The following PRKN variants were observed in gnomAD, a reference collection of about 807,000 sequenced individuals.
PRKN encodes E3 ubiquitin-protein ligase parkin.
A neutral mutation model predicts 59.5 loss-of-function variants in PRKN; 56 were observed. That is an observed-to-expected ratio of 0.94 (90% CI 0.76 to 1.18). The LOEUF is 1.18. Among genes scored for constraint, PRKN ranks in the 50% most tolerant of loss-of-function variants. The probability of loss-of-function intolerance (pLI) is 0.00; values close to 1 mark genes in which losing one functional copy is unlikely to be tolerated. For missense variants in PRKN, 657 were observed against 596.4 expected, an observed-to-expected ratio of 1.10 and a Z score of -1.06; for synonymous variants, 250 against 222.1, an observed-to-expected ratio of 1.13 and a Z score of -1.12.
chr6:162,287,226 A>G (rs781093283), intron 2 of PRKN, among the ~76,000 whole-genome samples: 13 of 152,292 alleles, frequency 8.5e-5, no homozygotes, highest in Middle Eastern at 6.8e-3. Context: ...ACATATCACA[A>G]TTCTGATTTG....
intron 7 of PRKN, among the ~76,000 whole-genome samples, chr6:161,695,952 A>G (rs1349035657): frequency 7.2e-5 from 11 of 152,222 alleles, no homozygotes; most frequent in Non-Finnish European, 1.6e-4. Context: ...TGGCGGACAG[A>G]GGCTGAAGAA....
Position 161,593,371 on chromosome 6 carries a change from A to G in PRKN, c.872-23955T>C, listed in dbSNP as rs1781793518. ...CAGGGAAAGGTGCATAAACCTGCCC[A>G]GTGTCACAAAACTAATATATGGTGA... On this transcript the variant is annotated intron_variant, in intron 7 of 11. Coordinates refer to ENST00000366898, the MANE Select transcript of PRKN (RefSeq NM_004562.3). This position sits in a 1 kb window ranked among gnomAD's most constrained non-coding sequence, Gnocchi z 4.8. Among the ~76,000 whole-genome samples the G allele has an allele frequency of 6.6e-6, 1 of 152,168 alleles. No homozygotes were observed. The highest frequency in any genetic ancestry group is 2.4e-5 in the African/African-American group (1 of 41,440).
chr6:161,730,709 TGTGTTGCATTCTGAA>T (rs1471330694), intron 7 of PRKN, among the ~76,000 whole-genome samples: 2 of 152,212 alleles, frequency 1.3e-5, no homozygotes, highest in Non-Finnish European at 2.9e-5. Flanking sequence ...TTCTTTCTGG[TGTGTTGCATTCTGAA>T]GTGTTGCATT....
chr6:162,001,916 C>T (rs1782075363), intron 5 of PRKN, among the ~76,000 whole-genome samples: 1 of 141,294 alleles, frequency 7.1e-6, no homozygotes, highest in Admixed American at 7.3e-5. Flanking sequence ...TCTGCATCTA[C>T]TGATATGGTC....
chr6:161,565,375 A>G (rs1780602104), intron 8 of PRKN, among the ~76,000 whole-genome samples: 1 of 151,980 alleles, frequency 6.6e-6, no homozygotes, highest in Non-Finnish European at 1.5e-5. Context: ...CTCTCCTGAC[A>G]TGGTTTGGCT....
At chr6:162,263,348 G>A in intron 2 of PRKN, 1 of 180,226 alleles carries the variant, frequency 5.5e-6, no homozygotes, top group Non-Finnish European at 1.2e-5. Flanking sequence ...TCAATGAGAG[G>A]GCATTTCTTT....
At chr6:161,791,256 T>A (rs1790626390) in intron 6 of PRKN, among the ~76,000 whole-genome samples, 1 of 152,222 alleles carries the variant, frequency 6.6e-6, no homozygotes, top group Admixed American at 6.5e-5. Context: ...GACCCTTTGT[T>A]TGCAGAATAT....
At chr6:162,486,692 T>C (rs1378464876) in intron 1 of PRKN, among the ~76,000 whole-genome samples, 1 of 152,210 alleles carries the variant, frequency 6.6e-6, no homozygotes. Flanking sequence ...GGCTGCATAT[T>C]CAAAAGTTAT....
intron 10 of PRKN, among the ~76,000 whole-genome samples, chr6:161,364,426 C>T (rs1785108699): frequency 6.9e-6 from 1 of 143,956 alleles, no homozygotes; most frequent in Non-Finnish European, 1.5e-5. Flanking sequence ...CCACTACACT[C>T]CAGCCTGGGC....
intron 6 of PRKN, among the ~76,000 whole-genome samples, chr6:161,885,542 G>C (rs999224338): frequency 6.6e-6 from 1 of 151,936 alleles, no homozygotes; most frequent in Non-Finnish European, 1.5e-5. Context: ...GCGGGCCCCT[G>C]TAGTCCCAGC....
intron 4 of PRKN, among the ~76,000 whole-genome samples, chr6:162,133,972 A>G (rs1005220480): frequency 1.8e-4 from 28 of 152,298 alleles, no homozygotes; most frequent in Non-Finnish European, 2.9e-4. Flanking sequence ...AGTAGATGGT[A>G]AGTGTGAAGA....
intron 3 of PRKN, among the ~76,000 whole-genome samples, chr6:162,232,367 G>T (rs547679284): frequency 6.6e-6 from 1 of 152,084 alleles, no homozygotes; most frequent in East Asian, 2.0e-4. Context: ...AGGGGTAAAA[G>T]GATGATGACC....
chr6:161,725,271 C>A (rs187437510), intron 7 of PRKN, among the ~76,000 whole-genome samples: 115 of 152,174 alleles, frequency 7.6e-4, no homozygotes, highest in Non-Finnish European at 1.1e-3. Flanking sequence ...ATTCAACAAA[C>A]CAGGTCTCTG....
At chr6:162,515,456 A>C (rs1777808269) in intron 1 of PRKN, among the ~76,000 whole-genome samples, 1 of 152,182 alleles carries the variant, frequency 6.6e-6, no homozygotes, top group African/African-American at 2.4e-5. Context: ...ATAAAAAGCC[A>C]TATAGTCATG....
intron 10 of PRKN, among the ~76,000 whole-genome samples, chr6:161,364,181 A>C (rs1451629044): frequency 1.1e-4 from 16 of 149,054 alleles, no homozygotes; most frequent in African/African-American, 3.7e-4. Flanking sequence ...AAAAAAAAAA[A>C]AAAAAAGAAA....
rs1783628278 is a variant in PRKN, at chr6:162,178,228, T to C, written c.534+22903A>G. Among the ~76,000 whole-genome samples, 4 of 152,216 alleles carry C rather than the reference T, an allele frequency of 2.6e-5. No homozygotes were observed. In the South Asian group the frequency reaches 6.2e-4, roughly 24 times the overall value. ...TTGTGGGTCATCCGTAAAATGTTAA[T>C]TGTGGATTGTCAAACCCTTACTGCA... On this transcript the variant is annotated intron_variant, in intron 4 of 11. Transcript: ENST00000366898.
At chr6:162,127,199 G>C (rs920615213) in intron 4 of PRKN, among the ~76,000 whole-genome samples, 1 of 152,204 alleles carries the variant, frequency 6.6e-6, no homozygotes, top group African/African-American at 2.4e-5. Flanking sequence ...TTCGTACCAA[G>C]TTGCAAAGGC....
intron 7 of PRKN, among the ~76,000 whole-genome samples, chr6:161,700,626 T>A (rs1786213687): frequency 6.6e-6 from 1 of 152,322 alleles, no homozygotes; most frequent in East Asian, 1.9e-4. Context: ...ATTTGTTTCC[T>A]GCCTGTGAGC....
chr6:161,353,513 T>C lies in PRKN; in HGVS notation c.1286-3302A>G, dbSNP rs945845877. On this transcript the variant is annotated intron_variant, in intron 11 of 11. Coordinates refer to ENST00000366898, the MANE Select transcript of PRKN (RefSeq NM_004562.3). This position sits in a 1 kb window ranked among gnomAD's most constrained non-coding sequence, Gnocchi z 4.8. Reference sequence around the variant, plus strand: ...CCCCAGAGGACAGGGTTTGGGGAGCTTCCAGGTTGCTGAACACATGGAGGT... The same window carrying C: ...CCCCAGAGGACAGGGTTTGGGGAGCCTCCAGGTTGCTGAACACATGGAGGT... 1.3e-5 allele frequency among the ~76,000 whole-genome samples: 2 copies of C among 152,178 alleles called. No individual in the cohort carries two copies. Among genetic ancestry groups the C allele is most frequent in the African/African-American group, 2.4e-5 (1 of 41,448 alleles).
Sources: gnomAD v4.1 joint callset for allele counts (sites outside exome capture counted in the v4.1 genomes callset) on GRCh38, gnomAD v4.1.1 for gene constraint, Gnocchi (gnomAD v3.1) non-coding constraint, MANE v1.5 for transcripts, NCBI Gene and HGNC (gene_info 2026-07-23, HGNC 2026-07-21) for gene names.